Variants in HTT observed in about 807,000 individuals in gnomAD.
HTT encodes the protein huntingtin, also known as huntington disease protein.
HTT carries 104 observed loss-of-function variants against 362.3 expected under a neutral mutation model. That is an observed-to-expected ratio of 0.29 (90% CI 0.24 to 0.34). The LOEUF is 0.34. HTT is among the 10% of genes least tolerant of loss of function. The pLI, the probability that HTT is intolerant of heterozygous loss-of-function variation, is 1.00. For missense variants in HTT, 3,301 were observed against 3,928.6 expected, an observed-to-expected ratio of 0.84 and a Z score of 4.27; for synonymous variants, 1,577 against 1,548.7, an observed-to-expected ratio of 1.02 and a Z score of -0.43.
Position 3,220,191 on chromosome 4 carries a change from C to T in HTT, c.7252C>T (p.Leu2418Phe). ...CTTTTCATCTTCTCAGGTGTGGAAGCTTGGATGGTCACCCAAACCGGGAGG... is the reference window on the plus strand; with the variant it reads ...CTTTTCATCTTCTCAGGTGTGGAAGTTTGGATGGTCACCCAAACCGGGAGG... ...YTRVPPLVWKLGWSPKPGGDF... is the reference protein window; with the variant it reads ...YTRVPPLVWKFGWSPKPGGDF... The change falls in exon 53 of 67, where the codon CTT (leucine) becomes TTT (phenylalanine). Residue 2418 changes from leucine (L) to phenylalanine (F), a missense_variant. Leu to Phe is a conservative substitution (Grantham distance 22). Coordinates refer to ENST00000355072, the MANE Select transcript of HTT (RefSeq NM_001388492.1). 1 of 1,614,124 alleles carries T rather than the reference C, an allele frequency of 6.2e-7. No homozygotes were observed. The highest frequency in any genetic ancestry group is 8.5e-7 in the Non-Finnish European group (1 of 1,179,986).
At chr4:3,155,212 T>C (rs945066548) in intron 27 of HTT, among the ~76,000 whole-genome samples, 1 of 151,840 alleles carries the variant, frequency 6.6e-6, no homozygotes, top group Non-Finnish European at 1.5e-5. Context: ...TATTTATTTA[T>C]TTATTTATTT....
At chr4:3,210,030 C>T (rs1720076506) in intron 47 of HTT, 81 bp downstream of exon 47, 8 of 1,541,442 alleles carry the variant, frequency 5.2e-6, no homozygotes, top group Non-Finnish European at 7.1e-6. Flanking sequence ...CATCATGTGA[C>T]CCACTTGTTG....
intron 36 of HTT, among the ~76,000 whole-genome samples, chr4:3,181,139 C>T (rs1219172679): frequency 2.0e-5 from 3 of 152,012 alleles, no homozygotes; most frequent in Non-Finnish European, 4.4e-5. Context: ...GCCTTGGCCT[C>T]CCAAAGTGCT....
chr4:3,102,823 G>A (rs1041884711), intron 3 of HTT, among the ~76,000 whole-genome samples: 1 of 152,190 alleles, frequency 6.6e-6, no homozygotes, highest in Non-Finnish European at 1.5e-5. Flanking sequence ...TGGACTTTGT[G>A]CCGTTAGCAT....
chr4:3,146,715 C>G, intron 24 of HTT, 82 bp from the exon 25 acceptor site: 2 of 1,266,708 alleles, frequency 1.6e-6, no homozygotes, highest in Non-Finnish European at 2.3e-6. Context: ...ACATGCCTTC[C>G]TCTTGGAATT....
At chr4:3,110,798 C>T (rs1714706310) in intron 6 of HTT, among the ~76,000 whole-genome samples, 1 of 152,086 alleles carries the variant, frequency 6.6e-6, no homozygotes, top group African/African-American at 2.4e-5. Flanking sequence ...CTTAGTAGGC[C>T]TTTTAATTTG....
intron 28 of HTT, among the ~76,000 whole-genome samples, chr4:3,159,369 C>T (rs1183269566): frequency 6.6e-6 from 1 of 152,182 alleles, no homozygotes; most frequent in Non-Finnish European, 1.5e-5. Context: ...CTCCCACTTA[C>T]CTGTTGTCCA....
Position 3,125,638 on chromosome 4 carries a change from C to A in HTT, c.1402+9C>A. The A allele has an allele frequency of 6.3e-7, 1 of 1,595,572 alleles. No homozygotes were observed. The highest frequency in any genetic ancestry group is 8.6e-7 in the Non-Finnish European group (1 of 1,163,168). ...CAGCTCTGCCTTAACAGGTAGTTCT[C>A]ACTAGTTAGCCGCTGGTGTGGACCT... On this transcript the variant is annotated intron_variant, in intron 11 of 66. Transcript: ENST00000355072.
intron 27 of HTT, among the ~76,000 whole-genome samples, chr4:3,154,621 A>G (rs1005260196): frequency 6.6e-6 from 1 of 152,224 alleles, no homozygotes; most frequent in East Asian, 1.9e-4. Flanking sequence ...AAGCATTTCT[A>G]AGTGCCACTG....
At chr4:3,121,167 G>A (rs1301229308) in intron 8 of HTT, 61 bp from the exon 9 acceptor site, 19 of 1,276,264 alleles carry the variant, frequency 1.5e-5, no homozygotes, top group Non-Finnish European at 2.1e-5. Context: ...CAACAAAAAA[G>A]TGAAGCTTAG....
intron 35 of HTT, 122 bp downstream of exon 35, chr4:3,178,568 G>GTGT (rs1260781593): frequency 3.7e-6 from 3 of 801,648 alleles, no homozygotes; most frequent in Non-Finnish European, 6.1e-6. Context: ...CTCTGCATGT[G>GTGT]TGTCTGTGTA....
intron 19 of HTT, 106 bp from the exon 20 acceptor site, chr4:3,135,798 C>T: frequency 1.4e-6 from 1 of 725,258 alleles, no homozygotes; most frequent in Non-Finnish European, 2.2e-6. Flanking sequence ...AAGTGCTGCC[C>T]AAGGTCCTTC....
At position 3,228,646 on chromosome 4, in the gene HTT, G is replaced by A; in HGVS notation, c.7880G>A (p.Ser2627Asn). The A allele has an allele frequency of 1.2e-6, 2 of 1,602,634 alleles. No individual in the cohort carries two copies. The highest frequency in any genetic ancestry group is 8.5e-7 in the Non-Finnish European group (1 of 1,174,110). The change falls in exon 58 of 67, where the codon AGC (serine) becomes AAC (asparagine). Residue 2627 changes from serine to asparagine, a missense_variant. By Grantham distance (46) the Ser-to-Asn change is conservative (BLOSUM62 1). This residue lies in a region of HTT where 753 missense variants were observed against 1,021.3 expected (regional missense o/e 0.74). Coordinates refer to ENST00000355072, the MANE Select transcript of HTT (RefSeq NM_001388492.1). This position sits in a 1 kb window ranked among gnomAD's most constrained non-coding sequence, Gnocchi z 4.3. ...VSIHSVWLGNSITPLREEEWD... is the reference protein window; with the variant it reads ...VSIHSVWLGNNITPLREEEWD... ...ATACACTCCGTGTGGCTGGGGAACA[G>A]CATCACACCCCTGAGGGAGGAGGAA... is the stretch of plus-strand genomic sequence containing the variant.
At chr4:3,238,316 C>G (rs151126019) in intron 64 of HTT, 131 bp from the exon 65 acceptor site, 1 of 619,916 alleles carries the variant, frequency 1.6e-6, no homozygotes, top group African/African-American at 1.9e-5. Context: ...AAGTCCCTCA[C>G]GGCCGAGGGT....
chr4:3,120,485 C>T (rs989237789), intron 8 of HTT, among the ~76,000 whole-genome samples: 6 of 152,176 alleles, frequency 3.9e-5, no homozygotes, highest in Admixed American at 6.6e-5. Context: ...GGCTGCAGAG[C>T]GGTATTGGTC....
At chr4:3,092,914 C>T (rs1190506864) in intron 2 of HTT, among the ~76,000 whole-genome samples, 2 of 152,118 alleles carry the variant, frequency 1.3e-5, no homozygotes. Flanking sequence ...GTGGAGAGCC[C>T]TACAATTTCC....
At chr4:3,131,553 C>G (rs1715817427) in intron 15 of HTT, 85 bp from the exon 16 acceptor site, 4 of 1,553,752 alleles carry the variant, frequency 2.6e-6, no homozygotes, top group South Asian at 2.3e-5. Flanking sequence ...ATGATGGGAG[C>G]AGGTAGGTTA....
In HTT at chr4:3,236,196, G is replaced by T. The variant is rs3025807; in HGVS notation, c.8833G>T (p.Ala2945Ser). ...PGRTSDPNPAAPDSESVIVAM... is the reference protein window; with the variant it reads ...PGRTSDPNPASPDSESVIVAM... ...TAGAACTTCAGACCCTAATCCTGCA[G>T]CCCCCGACAGCGAGTCAGTGATTGT... The change falls in exon 64 of 67, where the codon GCC becomes TCC. Residue 2945 changes from alanine to serine, a missense_variant. By Grantham distance (99) the Ala-to-Ser change is moderately conservative. This residue lies in a region of HTT where 753 missense variants were observed against 1,021.3 expected (regional missense o/e 0.74). Transcript: ENST00000355072. 1 of 1,614,210 alleles carries T rather than the reference G, an allele frequency of 6.2e-7. No homozygotes were observed. The highest frequency in any genetic ancestry group is 8.5e-7 in the Non-Finnish European group (1 of 1,180,006).
chr4:3,074,804 C>T lies in HTT; in HGVS notation c.-22C>T. The T allele has an allele frequency of 6.6e-7, 1 of 1,511,410 alleles. No homozygotes were observed. Among genetic ancestry groups the T allele is most frequent in the Non-Finnish European group, 8.8e-7 (1 of 1,135,908 alleles). 93.6% of individuals were successfully genotyped at this position (1,511,410 alleles called of 1,614,324 possible). ...GTCGGCCCGAGGCCTCCGGGGACTG[C>T]CGTGCCGGGCGGGAGACCGCCATGG... On this transcript the variant is annotated 5_prime_UTR_variant, in exon 1 of 67. Coordinates refer to ENST00000355072, the MANE Select transcript of HTT (RefSeq NM_001388492.1).
Sources: allele counts gnomAD v4.1 joint callset (sites outside exome capture counted in the v4.1 genomes callset), GRCh38; gene constraint gnomAD v4.1.1; regional missense constraint gnomAD v4.1.1; non-coding constraint Gnocchi (gnomAD v3.1); transcripts MANE v1.5; gene names NCBI Gene and HGNC (gene_info 2026-07-23, HGNC 2026-07-21).